Variants in DIAPH2 observed in about 807,000 individuals in gnomAD.
The protein encoded by DIAPH2 is protein diaphanous homolog 2.
A neutral mutation model predicts 92.7 loss-of-function variants in DIAPH2; 35 were observed. The observed-to-expected ratio is 0.38, with a 90% CI of 0.29 to 0.50. DIAPH2 has a LOEUF of 0.50. Ranked by LOEUF, DIAPH2 falls within the 20% of genes least tolerant of loss-of-function variation. The pLI is 0.94. For synonymous variants in DIAPH2, 301 were observed against 280.4 expected (o/e 1.07, Z -0.73); for missense variants, 701 against 819.5 (o/e 0.86, Z 1.77).
At chrX:97,086,263 G>A (rs143814840) in intron 19 of DIAPH2, among the ~76,000 whole-genome samples, 4,378 of 111,230 alleles carry the variant, frequency 0.039, 85 homozygotes, top group Non-Finnish European at 0.057. Flanking sequence ...GCAGGACATT[G>A]TGCTAAGTGA....
At position 97,331,026 on chromosome X, in the gene DIAPH2, A is replaced by T. The variant is rs768714370; in HGVS notation, c.2845-17090A>T. Among the ~76,000 whole-genome samples, 5 of 110,935 alleles carry T rather than the reference A, an allele frequency of 4.5e-5. No homozygotes were observed. The South Asian group carries it at 1.2e-3, about 26-fold the overall frequency. On this transcript the variant is annotated intron_variant, in intron 23 of 26. Coordinates refer to ENST00000324765, the MANE Select transcript of DIAPH2 (RefSeq NM_006729.5). ...GGCTTTGAATAACACATTGACATTG[A>T]AATATATATGGTTCCTAAGATCATG...
At chrX:96,851,335 T>C (rs778752308) in intron 4 of DIAPH2, among the ~76,000 whole-genome samples, 10 of 111,463 alleles carry the variant, frequency 9.0e-5, no homozygotes, top group Non-Finnish European at 1.9e-4. Context: ...ACTCCTGAAC[T>C]CAAGTGATCT....
At chrX:97,129,140 T>C (rs866609996) in intron 21 of DIAPH2, among the ~76,000 whole-genome samples, 207 of 83,083 alleles carry the variant, frequency 2.5e-3, no homozygotes, top group African/African-American at 9.2e-3. Context: ...TCTTTTCTTT[T>C]CTTTTCTTTC....
intron 22 of DIAPH2, among the ~76,000 whole-genome samples, chrX:97,151,426 G>C (rs928404508): frequency 5.4e-5 from 6 of 110,999 alleles, no homozygotes; most frequent in Non-Finnish European, 1.9e-5. Flanking sequence ...GGCAGCTGCT[G>C]TCAGAGTTAA....
At chrX:96,768,387 C>CTCTAGACTCAGTTTCATTCCTTT (rs1188582356) in intron 4 of DIAPH2, among the ~76,000 whole-genome samples, 3 of 111,820 alleles carry the variant, frequency 2.7e-5, no homozygotes, top group African/African-American at 9.7e-5. Context: ...TTGTAAACCT[C>CTCTAGACTCAGTTTCATTCCTTT]TCTAGACTCA....
At chrX:97,041,514 C>T in intron 17 of DIAPH2, among the ~76,000 whole-genome samples, 1 of 111,120 alleles carries the variant, frequency 9.0e-6, no homozygotes, top group African/African-American at 3.3e-5. Flanking sequence ...TAGAAGCTGT[C>T]AGCGGTATTC....
intron 26 of DIAPH2, among the ~76,000 whole-genome samples, chrX:97,522,513 A>T (rs1244524845): frequency 8.9e-6 from 1 of 112,479 alleles, no homozygotes; most frequent in Admixed American, 9.4e-5. Context: ...CATTCAGTCA[A>T]GAAATACTTC....
chrX:97,429,212 G>C (rs1417605854), intron 25 of DIAPH2, among the ~76,000 whole-genome samples: 1 of 112,251 alleles, frequency 8.9e-6, no homozygotes, highest in African/African-American at 3.2e-5. Flanking sequence ...GCAGATGATG[G>C]TTGAATGCCG....
At chrX:96,867,185 G>C (rs1353697170) in intron 4 of DIAPH2, among the ~76,000 whole-genome samples, 1 of 111,595 alleles carries the variant, frequency 9.0e-6, no homozygotes, top group Non-Finnish European at 1.9e-5. Flanking sequence ...TCAAGTACTA[G>C]CTCAGTATTC....
chrX:96,810,050 G>A (rs1313212006), intron 4 of DIAPH2, among the ~76,000 whole-genome samples: 1 of 112,078 alleles, frequency 8.9e-6, no homozygotes, highest in African/African-American at 3.2e-5. Flanking sequence ...GGATGGCTGG[G>A]TCAAATGGTA....
intron 22 of DIAPH2, among the ~76,000 whole-genome samples, chrX:97,238,746 G>T (rs908740863): frequency 1.8e-5 from 2 of 111,568 alleles, no homozygotes; most frequent in East Asian, 5.6e-4. Context: ...TCCAGGTACA[G>T]CGTTCATGTA....
At chrX:96,719,935 T>C in intron 1 of DIAPH2, among the ~76,000 whole-genome samples, 1 of 111,954 alleles carries the variant, frequency 8.9e-6, no homozygotes, top group Non-Finnish European at 1.9e-5. Context: ...ATTTTTACAA[T>C]TCTCTTTCAC....
At chrX:97,584,556 T>A (rs2071466604) in intron 26 of DIAPH2, among the ~76,000 whole-genome samples, 3 of 111,910 alleles carry the variant, frequency 2.7e-5, no homozygotes, top group Non-Finnish European at 5.6e-5. Flanking sequence ...AGAACATCCC[T>A]GTTGTATAAG....
At chrX:97,504,071 C>G (rs2070816844) in intron 26 of DIAPH2, among the ~76,000 whole-genome samples, 1 of 111,690 alleles carries the variant, frequency 9.0e-6, no homozygotes, top group Non-Finnish European at 1.9e-5. Flanking sequence ...ACCTTTTGAG[C>G]TATTGAAAAA....
chrX:97,182,129 C>T (rs1040621595), intron 22 of DIAPH2, among the ~76,000 whole-genome samples: 5 of 110,707 alleles, frequency 4.5e-5, no homozygotes, highest in Middle Eastern at 4.2e-3. Context: ...TGATGAGATT[C>T]CAGTAGATTA....
intron 26 of DIAPH2, among the ~76,000 whole-genome samples, chrX:97,517,079 A>G (rs1278555257): frequency 3.6e-5 from 4 of 111,957 alleles, no homozygotes; most frequent in African/African-American, 9.7e-5. Context: ...TCACATAGTG[A>G]TGGAGTCCAT....
At chrX:96,954,600 TAAG>T (rs1011607444) in intron 15 of DIAPH2, among the ~76,000 whole-genome samples, 5 of 112,152 alleles carry the variant, frequency 4.5e-5, no homozygotes, top group African/African-American at 1.6e-4. Flanking sequence ...GTATTAGATG[TAAG>T]AAGAACCACA....
chrX:96,748,577 T>G (rs2064165163), intron 3 of DIAPH2, among the ~76,000 whole-genome samples: 1 of 112,053 alleles, frequency 8.9e-6, no homozygotes, highest in African/African-American at 3.2e-5. Flanking sequence ...CCCAATACTG[T>G]TTTAAGGTCT....
At chrX:96,974,986 A>G (rs1427575791) in intron 17 of DIAPH2, among the ~76,000 whole-genome samples, 1 of 111,712 alleles carries the variant, frequency 9.0e-6, no homozygotes, top group East Asian at 2.8e-4. Context: ...TGTTGCTTGG[A>G]GGAAATACAA....
Sources: gnomAD v4.1 joint callset for allele counts (sites outside exome capture counted in the v4.1 genomes callset) on GRCh38, gnomAD v4.1.1 for gene constraint, MANE v1.5 for transcripts, NCBI Gene and HGNC (gene_info 2026-07-23, HGNC 2026-07-21) for gene names.